The following CCDC7 variants were observed in gnomAD, a reference collection of about 807,000 sequenced individuals.
CCDC7 encodes coiled-coil domain-containing protein 7.
Under a neutral mutation model 196.9 loss-of-function variants are expected in CCDC7, and 183 were observed. The ratio of observed to expected loss-of-function variants is 0.93; its 90% confidence interval spans 0.82 to 1.05. CCDC7 has a LOEUF of 1.05. CCDC7 is among the 50% of genes least tolerant of loss of function. The probability of loss-of-function intolerance (pLI) is 0.00; values close to 1 mark genes in which losing one functional copy is unlikely to be tolerated. For missense variants in CCDC7, 1,540 were observed against 1,482.2 expected, an observed-to-expected ratio of 1.04 and a Z score of -0.64; for synonymous variants, 525 against 484.6, an observed-to-expected ratio of 1.08 and a Z score of -1.10.
chr10:32,837,409 A>G (rs577673560), intron 33 of CCDC7, among the ~76,000 whole-genome samples: 4 of 152,228 alleles, frequency 2.6e-5, no homozygotes, highest in African/African-American at 9.6e-5. Context: ...GGCGATCATT[A>G]AAAAGTCAGG....
chr10:32,743,845 G>A (rs2074222690), intron 28 of CCDC7, among the ~76,000 whole-genome samples: 2 of 151,920 alleles, frequency 1.3e-5, no homozygotes, highest in South Asian at 2.1e-4. Context: ...GTAGGGACAT[G>A]GATGAAGCTG....
intron 9 of CCDC7, among the ~76,000 whole-genome samples, chr10:32,505,172 A>T (rs910457062): frequency 6.7e-6 from 1 of 150,114 alleles, no homozygotes; most frequent in Non-Finnish European, 1.5e-5. Flanking sequence ...GCTAATTTTT[A>T]TTTATTTATT....
chr10:32,705,661 T>C (rs1220560589), intron 24 of CCDC7, among the ~76,000 whole-genome samples: 1 of 151,966 alleles, frequency 6.6e-6, no homozygotes, highest in African/African-American at 2.4e-5. Context: ...AAGGCAGAGG[T>C]TGCCATCCTA....
chr10:32,789,435 A>G (rs920655173), intron 29 of CCDC7, among the ~76,000 whole-genome samples: 6 of 152,152 alleles, frequency 3.9e-5, no homozygotes, highest in South Asian at 2.1e-4. Context: ...AAAGAACTCA[A>G]TGATTGAACT....
At chr10:32,833,166 A>T (rs1593260308) in intron 32 of CCDC7, among the ~76,000 whole-genome samples, 2 of 152,250 alleles carry the variant, frequency 1.3e-5, no homozygotes, top group East Asian at 1.9e-4. Context: ...CAACAGTACA[A>T]ATGTCAGGAA....
intron 41 of CCDC7, among the ~76,000 whole-genome samples, chr10:32,874,180 GAT>G (rs2094524436): frequency 6.8e-6 from 1 of 148,098 alleles, no homozygotes; most frequent in Non-Finnish European, 1.5e-5. Flanking sequence ...CAATTATAAA[GAT>G]ATATAAATAT....
At chr10:32,636,165 A>G (rs1413409088) in intron 20 of CCDC7, among the ~76,000 whole-genome samples, 1 of 152,190 alleles carries the variant, frequency 6.6e-6, no homozygotes, top group Non-Finnish European at 1.5e-5. Flanking sequence ...TTGAGTCATT[A>G]GCATATATTG....
chr10:32,618,980 A>C (rs768133114), intron 18 of CCDC7, among the ~76,000 whole-genome samples: 2 of 151,980 alleles, frequency 1.3e-5, no homozygotes, highest in Non-Finnish European at 2.9e-5. Flanking sequence ...ATTATTTCAA[A>C]AGACCTTTCT....
upstream of CCDC7, among the ~76,000 whole-genome samples, chr10:32,443,742 TTTGC>T (rs1214614214): frequency 6.6e-6 from 1 of 152,342 alleles, no homozygotes; most frequent in African/African-American, 2.4e-5. Flanking sequence ...CATTTAAATA[TTTGC>T]TTATTTTTTT....
chr10:32,445,981 G>A (rs143947616), upstream of CCDC7, among the ~76,000 whole-genome samples: 259 of 152,330 alleles, frequency 1.7e-3, no homozygotes, highest in African/African-American at 5.9e-3. Context: ...GAAAGGAGGA[G>A]GCCGATGTGC....
chr10:32,675,989 A>G (rs2140907930), intron 21 of CCDC7, among the ~76,000 whole-genome samples: 1 of 151,812 alleles, frequency 6.6e-6, no homozygotes, highest in East Asian at 1.9e-4. Flanking sequence ...CAACTATACT[A>G]CAAGGCTACA....
At chr10:32,622,610 T>C (rs1261101850) in intron 18 of CCDC7, among the ~76,000 whole-genome samples, 1 of 152,040 alleles carries the variant, frequency 6.6e-6, no homozygotes, top group African/African-American at 2.4e-5. Context: ...GTTGACATTT[T>C]GGCCCAGATT....
intron 30 of CCDC7, among the ~76,000 whole-genome samples, chr10:32,806,037 C>T (rs1157490657): frequency 6.6e-6 from 1 of 152,138 alleles, no homozygotes; most frequent in East Asian, 1.9e-4. Context: ...CTCACAAGAA[C>T]TCATATACTA....
intron 24 of CCDC7, among the ~76,000 whole-genome samples, chr10:32,699,140 G>A (rs1027567577): frequency 6.6e-6 from 1 of 151,766 alleles, no homozygotes; most frequent in African/African-American, 2.4e-5. Context: ...TGCCATGTTG[G>A]TGTTCTGCAC....
At chr10:32,833,306 A>G (rs1277666665) in intron 32 of CCDC7, among the ~76,000 whole-genome samples, 1 of 151,840 alleles carries the variant, frequency 6.6e-6, no homozygotes, top group Non-Finnish European at 1.5e-5. Flanking sequence ...AAATATTTGA[A>G]TTAGATGCTT....
intron 28 of CCDC7, among the ~76,000 whole-genome samples, chr10:32,754,547 A>G (rs1399046407): frequency 6.6e-6 from 1 of 152,222 alleles, no homozygotes; most frequent in Non-Finnish European, 1.5e-5. Context: ...CAACAATAAC[A>G]TATTTCAGTA....
At chr10:32,551,402 C>T (rs913997367) in intron 13 of CCDC7, among the ~76,000 whole-genome samples, 4 of 151,874 alleles carry the variant, frequency 2.6e-5, no homozygotes, top group Non-Finnish European at 5.9e-5. Flanking sequence ...TCATTTAGTT[C>T]TGCTCTGATC....
At chr10:32,488,428 C>T (rs11813369) in intron 8 of CCDC7, among the ~76,000 whole-genome samples, 13,041 of 152,286 alleles carry the variant, frequency 0.086, 880 homozygotes, top group South Asian at 0.25. Flanking sequence ...ATCCCTTGTG[C>T]TTCCCAGGTG....
rs1230497961 is a variant in CCDC7, at chr10:32,846,540, CA to C, written c.3688+83del. ...TAAATTAAGTATAGACATTTAATGA[CA>C]ATAGTGCCTACATGTTAGTGTTACA... On this transcript the variant is annotated intron_variant, in intron 37 of 41. Coordinates refer to ENST00000639629, the Ensembl canonical transcript of CCDC7. 19 of 807,266 alleles carry C rather than the reference CA, an allele frequency of 2.4e-5. No individual in the cohort carries two copies. The South Asian group carries it at 3.2e-4, about 14-fold the overall frequency. 50.0% of individuals were successfully genotyped at this position (807,266 alleles called of 1,614,324 possible).
Sources: allele counts gnomAD v4.1 joint callset (sites outside exome capture counted in the v4.1 genomes callset), GRCh38; gene constraint gnomAD v4.1.1; transcripts MANE v1.5; gene names NCBI Gene and HGNC (gene_info 2026-07-23, HGNC 2026-07-21).